Variants in ROBO2 observed in about 807,000 individuals in gnomAD.
The protein encoded by ROBO2 is roundabout guidance receptor 2.
In ROBO2, 53 loss-of-function variants were observed where a neutral mutation model predicts 160.8. The ratio of observed to expected loss-of-function variants is 0.33; its 90% CI spans 0.26 to 0.41. ROBO2 has a LOEUF of 0.41. ROBO2 is among the 10% of genes least tolerant of loss of function. The pLI, the probability that ROBO2 is intolerant of heterozygous loss-of-function variation, is 1.00. For missense variants in ROBO2, 1,577 were observed against 1,722.4 expected (o/e 0.92, Z 1.49); for synonymous variants, 664 against 611.7 (o/e 1.09, Z -1.26).
intron 1 of ROBO2, among the ~76,000 whole-genome samples, chr3:77,088,499 T>G (rs1409206263): frequency 6.6e-6 from 1 of 152,192 alleles, no homozygotes; most frequent in Non-Finnish European, 1.5e-5. Flanking sequence ...AATCCATCAC[T>G]TAGGTATTAA....
chr3:77,471,867 C>G (rs972420753), intron 2 of ROBO2, among the ~76,000 whole-genome samples: 6 of 152,138 alleles, frequency 3.9e-5, no homozygotes, highest in Admixed American at 3.9e-4. Context: ...CCTGGGACAA[C>G]ATTTCCCTGG....
intron 1 of ROBO2, among the ~76,000 whole-genome samples, chr3:75,919,691 G>C (rs916186173): frequency 6.6e-6 from 1 of 151,982 alleles, no homozygotes; most frequent in African/African-American, 2.4e-5. Context: ...TGGTAGGCTA[G>C]TAATTACTGA....
At chr3:76,135,694 T>C (rs1333997607) in intron 2 of ROBO2, among the ~76,000 whole-genome samples, 1 of 152,126 alleles carries the variant, frequency 6.6e-6, no homozygotes, top group Non-Finnish European at 1.5e-5. Flanking sequence ...AGTTAACATC[T>C]TGTCAGTAGC....
chr3:76,283,136 G>GTGTATATATATATATATATA (rs1553695787), intron 2 of ROBO2, among the ~76,000 whole-genome samples: 6 of 63,536 alleles, frequency 9.4e-5, no homozygotes, highest in South Asian at 7.2e-4. Flanking sequence ...ATATAAAACT[G>GTGTATATATATATATATATA]TATATATATA....
chr3:77,603,246 C>A (rs1035773684), intron 20 of ROBO2, among the ~76,000 whole-genome samples: 2 of 152,062 alleles, frequency 1.3e-5, no homozygotes, highest in African/African-American at 4.8e-5. Context: ...TCACTGTCCC[C>A]TTTTATATAC....
intron 2 of ROBO2, among the ~76,000 whole-genome samples, chr3:76,397,701 GT>G (rs1271702013): frequency 6.6e-6 from 1 of 152,258 alleles, no homozygotes; most frequent in Admixed American, 6.5e-5. Flanking sequence ...AGACATTTAT[GT>G]AGCCAAAAAA....
intron 2 of ROBO2, among the ~76,000 whole-genome samples, chr3:76,503,187 A>G (rs940107167): frequency 1.3e-5 from 2 of 152,164 alleles, no homozygotes; most frequent in Non-Finnish European, 2.9e-5. Context: ...AGCATCCAGC[A>G]TGGGAGAAAG....
At chr3:76,068,656 A>T (rs567056302) in intron 2 of ROBO2, among the ~76,000 whole-genome samples, 1 of 152,180 alleles carries the variant, frequency 6.6e-6, no homozygotes, top group Non-Finnish European at 1.5e-5. Context: ...ATATTCTACA[A>T]ATCTCTCAAG....
In ROBO2 at chr3:76,261,192, GTGTGTGTGTGTA is replaced by G. The variant is rs1312687735; in HGVS notation, c.109+323592_109+323603del. Among the ~76,000 whole-genome samples the G allele has an allele frequency of 5.1e-4, 64 of 124,918 alleles. 1 individual carries two copies. The highest frequency in any genetic ancestry group is 1.8e-3 in the African/African-American group (63 of 35,210). 82.0% of individuals were successfully genotyped at this position (124,918 alleles called of 152,430 possible). On this transcript the variant is annotated intron_variant, in intron 2 of 26. Coordinates refer to the ROBO2 transcript ENST00000487694. ...TATGTGTGTGTGTGTGTGTGTGTGTGTGTGTGTGTGTATATATATATATAAATGACAGCTTCC... is the reference window on the plus strand; with the variant it reads ...TATGTGTGTGTGTGTGTGTGTGTGTGTATATATATATAAATGACAGCTTCC...
At chr3:75,984,309 A>G (rs2065353759) in intron 2 of ROBO2, among the ~76,000 whole-genome samples, 1 of 151,572 alleles carries the variant, frequency 6.6e-6, no homozygotes, top group African/African-American at 2.4e-5. Context: ...CAGTATGGTA[A>G]GAGTAAAATG....
chr3:77,506,792 T>C (rs2088596639), intron 5 of ROBO2, among the ~76,000 whole-genome samples: 1 of 152,174 alleles, frequency 6.6e-6, no homozygotes, highest in East Asian at 1.9e-4. Context: ...TTGTTTTTAA[T>C]GTTAGGGCAA....
intron 2 of ROBO2, among the ~76,000 whole-genome samples, chr3:77,158,124 T>C (rs1280962083): frequency 6.6e-6 from 1 of 152,058 alleles, no homozygotes; most frequent in Admixed American, 6.6e-5. Flanking sequence ...GGAGTGAAAA[T>C]GGTTAACTGA....
intron 2 of ROBO2, among the ~76,000 whole-genome samples, chr3:76,090,722 C>T (rs1050139767): frequency 2.0e-5 from 3 of 152,070 alleles, no homozygotes; most frequent in Non-Finnish European, 4.4e-5. Context: ...AAAACAGTGT[C>T]GTGTTGGTGA....
At chr3:75,999,346 A>G (rs13060779) in intron 2 of ROBO2, among the ~76,000 whole-genome samples, 16,785 of 152,194 alleles carry the variant, frequency 0.11, 1,167 homozygotes, top group Non-Finnish European at 0.15. Context: ...ATCAAGGAAC[A>G]TTAAATGTCC....
intron 2 of ROBO2, among the ~76,000 whole-genome samples, chr3:76,124,578 T>C (rs1423663723): frequency 1.3e-5 from 2 of 152,118 alleles, no homozygotes; most frequent in Non-Finnish European, 2.9e-5. Context: ...GACATCATTT[T>C]CTTTTTTTCA....
intron 2 of ROBO2, among the ~76,000 whole-genome samples, chr3:76,935,302 A>G (rs1239711652): frequency 1.3e-5 from 2 of 152,166 alleles, no homozygotes; most frequent in Admixed American, 1.3e-4. Context: ...CAGCTTTTGT[A>G]TTGCCCTTTG....
At chr3:77,211,982 G>A (rs571096728) in intron 2 of ROBO2, among the ~76,000 whole-genome samples, 1 of 152,170 alleles carries the variant, frequency 6.6e-6, no homozygotes, top group African/African-American at 2.4e-5. Context: ...CTGTAGCCTT[G>A]TAGTATAGTT....
chr3:77,071,255 A>T (rs1291850785), intron 1 of ROBO2, among the ~76,000 whole-genome samples: 2 of 152,160 alleles, frequency 1.3e-5, no homozygotes, highest in Non-Finnish European at 2.9e-5. Flanking sequence ...TCTTCCATAA[A>T]ATCCAATAAA....
intron 2 of ROBO2, among the ~76,000 whole-genome samples, chr3:76,706,748 C>T (rs989793618): frequency 6.6e-6 from 1 of 151,634 alleles, no homozygotes; most frequent in African/African-American, 2.4e-5. Flanking sequence ...TCTTTGTGTC[C>T]TTTTATTCTT....
Sources: allele counts gnomAD v4.1 joint callset (sites outside exome capture counted in the v4.1 genomes callset), GRCh38; gene constraint gnomAD v4.1.1; transcripts MANE v1.5; gene names NCBI Gene and HGNC (gene_info 2026-07-23, HGNC 2026-07-21).